RASGEF1C: variants seen among roughly 807,000 people sequenced by gnomAD.
The protein encoded by RASGEF1C is RasGEF domain family member 1C.
RASGEF1C carries 27 observed loss-of-function variants against 58.1 expected under a neutral mutation model. That is an observed-to-expected ratio of 0.46 (90% confidence interval 0.34 to 0.64). The LOEUF is 0.64. Ranked by LOEUF, RASGEF1C falls within the 30% of genes least tolerant of loss-of-function variation. The probability of loss-of-function intolerance (pLI) is 0.01; values close to 1 mark genes in which losing one functional copy is unlikely to be tolerated. For synonymous variants in RASGEF1C, 243 were observed against 246.3 expected, an observed-to-expected ratio of 0.99 and a Z score of 0.13; for missense variants, 502 against 605.1, an observed-to-expected ratio of 0.83 and a Z score of 1.79.
chr5:180,161,892 T>C (rs949515976), intron 1 of RASGEF1C, among the ~76,000 whole-genome samples: 3 of 152,220 alleles, frequency 2.0e-5, no homozygotes, highest in Admixed American at 6.5e-5. Flanking sequence ...TCCTGTCTCT[T>C]CTCTGCCTCC....
intron 1 of RASGEF1C, among the ~76,000 whole-genome samples, chr5:180,152,518 A>G (rs536606618): frequency 7.9e-4 from 109 of 138,162 alleles, no homozygotes; most frequent in Non-Finnish European, 5.3e-4. Context: ...AACAATGAGA[A>G]CACATGGACA....
chr5:180,182,204 C>CCAAAAAAAAAA (rs1767348346), intron 1 of RASGEF1C, among the ~76,000 whole-genome samples: 1 of 22,758 alleles, frequency 4.4e-5, no homozygotes, highest in Non-Finnish European at 8.0e-5. Context: ...GACTCCGTCT[C>CCAAAAAAAAAA]AAAAAAAAAA....
intron 3 of RASGEF1C, 179 bp from the exon 4 acceptor site, chr5:180,136,694 G>T: frequency 1.6e-6 from 1 of 635,620 alleles, no homozygotes; most frequent in Non-Finnish European, 2.7e-6. Flanking sequence ...GAGGGGGGAC[G>T]GACACATTTC....
In RASGEF1C at chr5:180,207,606, G is replaced by C. The variant is rs189920721; in HGVS notation, c.-7+1422C>G. 8.9e-3 allele frequency among the ~76,000 whole-genome samples: 1,198 copies of C among 134,292 alleles called. 16 individuals carry two copies. The highest frequency in any genetic ancestry group is 0.031 in the African/African-American group (1,142 of 37,408). The allele number at this position is 134,292 out of a possible 152,430, so 88.1% of individuals were successfully genotyped here. On this transcript the variant is annotated intron_variant, in intron 1 of 13. Transcript: ENST00000361132. ...GCTCCCCCTCGCCAGTCCCGCCCTG[G>C]GCTCCGCAGCCCGTCCCTCTCTCGC...
At chr5:180,125,720 T>C (rs893910451) in intron 6 of RASGEF1C, among the ~76,000 whole-genome samples, 1 of 151,350 alleles carries the variant, frequency 6.6e-6, no homozygotes, top group African/African-American at 2.4e-5. Flanking sequence ...AGGTGGAGGT[T>C]GCAATGAGCC....
chr5:180,191,431 A>C (rs1226876042), intron 1 of RASGEF1C, among the ~76,000 whole-genome samples: 2 of 151,918 alleles, frequency 1.3e-5, no homozygotes, highest in Non-Finnish European at 2.9e-5. Flanking sequence ...ATCTCAGCTC[A>C]CTGCAAGCTC....
At chr5:180,163,582 T>C (rs1036059868) in intron 1 of RASGEF1C, among the ~76,000 whole-genome samples, 1 of 152,162 alleles carries the variant, frequency 6.6e-6, no homozygotes, top group African/African-American at 2.4e-5. Context: ...GATTAATTTA[T>C]AAATAGTAAA....
rs62406060 is a variant in RASGEF1C at position 180,143,477 on chromosome 5, T to A, written c.-6-5419A>T. Among the ~76,000 whole-genome samples the A allele has an allele frequency of 0.1, 15,473 of 152,232 alleles. 1,105 individuals carry two copies. The highest frequency in any genetic ancestry group is 0.26 in the East Asian group (1,361 of 5,158). ...GTAATGGTCACCTGCCCCCAGCCAGTTGAAAACGTGCCCAAGGGCCCTGCT... is the reference window on the plus strand; with the variant it reads ...GTAATGGTCACCTGCCCCCAGCCAGATGAAAACGTGCCCAAGGGCCCTGCT... On this transcript the variant is annotated intron_variant, in intron 1 of 13. Coordinates refer to ENST00000361132, the MANE Select transcript of RASGEF1C (RefSeq NM_175062.4). The surrounding 1 kb of genome is among the most constrained non-coding windows in gnomAD (Gnocchi z 4.3).
At chr5:180,180,741 A>G (rs1304015726) in intron 1 of RASGEF1C, among the ~76,000 whole-genome samples, 1 of 152,164 alleles carries the variant, frequency 6.6e-6, no homozygotes, top group Non-Finnish European at 1.5e-5. Context: ...TTTTTACTGG[A>G]GTATAACCTA....
Position 180,149,648 on chromosome 5 carries a change from G to T in RASGEF1C, c.-6-11590C>A, listed in dbSNP as rs557772604. 3.9e-3 allele frequency among the ~76,000 whole-genome samples: 591 copies of T among 151,526 alleles called. 1 individual carries two copies. The highest frequency in any genetic ancestry group is 7.1e-3 in the Admixed American group (108 of 15,190). ...TTTTTGTATTTTTAGTAGAGATGGG[G>T]TTTCACCATGTTGGCCAGGATGGTC... On this transcript the variant is annotated intron_variant, in intron 1 of 13. Coordinates refer to ENST00000361132, the MANE Select transcript of RASGEF1C (RefSeq NM_175062.4).
At position 180,158,746 on chromosome 5, in the gene RASGEF1C, A is replaced by G. The variant is rs1241623961; in HGVS notation, c.-6-20688T>C. ...GACGCACCTTGACACGGGCCTTTCT[A>G]TGTCCCTCGTGTGGAGCACTTTCCA... On this transcript the variant is annotated intron_variant, in intron 1 of 13. Transcript: ENST00000361132. The surrounding 1 kb of genome is among the most constrained non-coding windows in gnomAD (Gnocchi z 4.0). 6.6e-6 allele frequency among the ~76,000 whole-genome samples: 1 copy of G among 152,104 alleles called. No individual in the cohort carries two copies. Among genetic ancestry groups the G allele is most frequent in the African/African-American group, 2.4e-5 (1 of 41,412 alleles).
rs959287677 is a variant in RASGEF1C, at chr5:180,177,228, T to G, written c.-7+31800A>C. Among the ~76,000 whole-genome samples, 2 of 152,148 alleles carry G rather than the reference T, an allele frequency of 1.3e-5. No individual in the cohort carries two copies. The highest frequency in any genetic ancestry group is 4.8e-5 in the African/African-American group (2 of 41,422). ...GAGTAGAGGATGCATTCAAACCATG[T>G]GCACATCAGCCCCTCAGCCCCGAAG... On this transcript the variant is annotated intron_variant, in intron 1 of 13. Transcript: ENST00000361132. This position sits in a 1 kb window ranked among gnomAD's most constrained non-coding sequence, Gnocchi z 5.0.
At chr5:180,186,087 G>C (rs1756030237) in intron 1 of RASGEF1C, among the ~76,000 whole-genome samples, 2 of 138,136 alleles carry the variant, frequency 1.4e-5, no homozygotes, top group Non-Finnish European at 1.5e-5. Context: ...ACAGAGCCAG[G>C]CCCTATCTCC....
In RASGEF1C at chr5:180,118,687, C is replaced by T. The variant is rs554007078; in HGVS notation, c.1005G>A (p.Thr335=). 60 of 1,614,178 alleles carry T rather than the reference C, an allele frequency of 3.7e-5. No homozygotes were observed. Among genetic ancestry groups the T allele is most frequent in the South Asian group, 7.7e-5 (7 of 91,080 alleles). Reference sequence around the variant, plus strand: ...CTGTCCTGTAGTTGCAGAAATTCCCCGTTGGGTCCATCTGGTGCTGGAAGG... The same window carrying T: ...CTGTCCTGTAGTTGCAGAAATTCCCTGTTGGGTCCATCTGGTGCTGGAAGG... ...FFILEHQMDP[T]GNFCNYRTAL... Residue 335 remains threonine, a synonymous_variant, in exon 10 of 14, where the codon ACG becomes ACA. Transcript: ENST00000361132.
intron 1 of RASGEF1C, among the ~76,000 whole-genome samples, chr5:180,207,856 C>T (rs1351971205): frequency 3.9e-5 from 6 of 152,118 alleles, no homozygotes; most frequent in African/African-American, 1.4e-4. Context: ...CCTCCCTGAC[C>T]AGACGAAGGC....
At chr5:180,103,141 G>C (rs549086236) in intron 12 of RASGEF1C, among the ~76,000 whole-genome samples, 11 of 152,216 alleles carry the variant, frequency 7.2e-5, no homozygotes, top group African/African-American at 9.6e-5. Flanking sequence ...GCAGTGGCGC[G>C]ATCTCGGCTC....
chr5:180,165,853 C>A (rs1264774856), intron 1 of RASGEF1C, among the ~76,000 whole-genome samples: 1 of 145,970 alleles, frequency 6.9e-6, no homozygotes, highest in African/African-American at 2.5e-5. Context: ...GGGTTCATAC[C>A]ATTCTCCTGC....
At chr5:180,136,245 G>A in intron 4 of RASGEF1C, 133 bp downstream of exon 4, 1 of 955,922 alleles carries the variant, frequency 1.0e-6, no homozygotes. Context: ...TGATAGGCCA[G>A]AAAGCGGCTG....
chr5:180,207,510 G>A (rs901658223), intron 1 of RASGEF1C, among the ~76,000 whole-genome samples: 6 of 152,176 alleles, frequency 3.9e-5, no homozygotes, highest in African/African-American at 1.4e-4. Flanking sequence ...GACATGGCAG[G>A]AGGGTGCAGA....
Sources: gnomAD v4.1 joint callset for allele counts (sites outside exome capture counted in the v4.1 genomes callset) on GRCh38, gnomAD v4.1.1 for gene constraint, Gnocchi (gnomAD v3.1) non-coding constraint, MANE v1.5 for transcripts, NCBI Gene and HGNC (gene_info 2026-07-23, HGNC 2026-07-21) for gene names.